Variants in MANBA observed in about 807,000 individuals in gnomAD.
MANBA encodes beta-mannosidase.
In MANBA, 83 loss-of-function variants were observed where a neutral mutation model predicts 111.1. The observed-to-expected ratio is 0.75, with a 90% CI of 0.63 to 0.90. The LOEUF (loss-of-function observed/expected upper bound fraction) is 0.90, where lower values mean the gene tolerates loss of function less well. Ranked by LOEUF, MANBA falls within the 40% of genes least tolerant of loss-of-function variation. MANBA has a pLI of 0.00. For missense variants in MANBA, 1,036 were observed against 1,069.0 expected (o/e 0.97, Z 0.43); for synonymous variants, 370 against 378.7 (o/e 0.98, Z 0.27).
chr4:102,760,749 T>G lies in MANBA; in HGVS notation c.146A>C (p.His49Pro). The G allele has an allele frequency of 6.5e-7, 1 of 1,547,806 alleles. No individual in the cohort carries two copies. The highest frequency in any genetic ancestry group is 8.7e-7 in the Non-Finnish European group (1 of 1,145,892). The change falls in exon 1 of 17, where the codon CAC becomes CCC. Residue 49 changes from histidine (H) to proline (P), a missense_variant. Coordinates refer to ENST00000647097, the MANE Select transcript of MANBA (RefSeq NM_005908.4). ...CAGGCCCTGCTGGAACAAGGCGCTGTGCACGCAGCCAGGGACCGCCCCGGG... is the reference window on the plus strand; with the variant it reads ...CAGGCCCTGCTGGAACAAGGCGCTGGGCACGCAGCCAGGGACCGCCCCGGG... Reference protein sequence around the residue: ...ELPGAVPGCVHSALFQQGLIQ... With the variant: ...ELPGAVPGCVPSALFQQGLIQ...
At chr4:102,718,104 G>A (rs1469202551) in intron 4 of MANBA, among the ~76,000 whole-genome samples, 1 of 152,188 alleles carries the variant, frequency 6.6e-6, no homozygotes, top group Non-Finnish European at 1.5e-5. Flanking sequence ...ATCATCAAGA[G>A]GACTAAGCAA....
intron 1 of MANBA, among the ~76,000 whole-genome samples, chr4:102,733,548 T>C (rs1442917955): frequency 6.6e-6 from 1 of 152,166 alleles, no homozygotes; most frequent in Non-Finnish European, 1.5e-5. Flanking sequence ...TTTGTAGAGA[T>C]GGAGATCTTA....
chr4:102,630,910 CTCA>C lies in MANBA; in HGVS notation c.*1144_*1146del, dbSNP rs1560734105. 6.6e-6 allele frequency: 1 copy of C among 152,254 alleles called. No individual in the cohort carries two copies. Among genetic ancestry groups the C allele is most frequent in the African/African-American group, 2.4e-5 (1 of 41,462 alleles). The allele number at this position is 152,254 out of a possible 1,614,324, so 9.4% of individuals were successfully genotyped here. A position where few individuals can be genotyped will look rare whatever the true frequency, so the allele number is the denominator to read the frequency against. ...GGGCAAACTACAAAGTAAACTCTGGCTCATCAGCTTGAAAGCCCCTTCTCAGGG... is the reference window on the plus strand; with the variant it reads ...GGGCAAACTACAAAGTAAACTCTGGCTCAGCTTGAAAGCCCCTTCTCAGGG... On this transcript the variant is annotated 3_prime_UTR_variant, in exon 17 of 17. Coordinates refer to ENST00000647097, the MANE Select transcript of MANBA (RefSeq NM_005908.4).
intron 7 of MANBA, among the ~76,000 whole-genome samples, chr4:102,681,308 G>C (rs1295069883): frequency 6.6e-6 from 1 of 152,098 alleles, no homozygotes; most frequent in South Asian, 2.1e-4. Context: ...AGCAGCCTGG[G>C]TGACAGAGTG....
At chr4:102,686,293 G>A (rs1021577628) in intron 7 of MANBA, among the ~76,000 whole-genome samples, 4 of 151,908 alleles carry the variant, frequency 2.6e-5, no homozygotes, top group African/African-American at 7.3e-5. Context: ...CATACTATTA[G>A]CTCCAATTTG....
intron 1 of MANBA, chr4:102,727,743 G>A: frequency 4.9e-6 from 4 of 808,218 alleles, no homozygotes; most frequent in Non-Finnish European, 8.5e-6. Flanking sequence ...TGGCATAGTA[G>A]TGTTTTCCAT....
At chr4:102,699,937 C>A (rs1042805749) in intron 5 of MANBA, among the ~76,000 whole-genome samples, 1 of 151,812 alleles carries the variant, frequency 6.6e-6, no homozygotes, top group Non-Finnish European at 1.5e-5. Flanking sequence ...GGAATGGTAC[C>A]AGTTCCTCCT....
chr4:102,633,203 G>T (rs749638147), intron 16 of MANBA: 16 of 398,014 alleles, frequency 4.0e-5, no homozygotes, highest in Non-Finnish European at 2.2e-5. Context: ...TGCTCTTCAG[G>T]ATCAGAGACT....
At chr4:102,742,968 G>C (rs1723460754) in intron 1 of MANBA, among the ~76,000 whole-genome samples, 1 of 152,196 alleles carries the variant, frequency 6.6e-6, no homozygotes, top group African/African-American at 2.4e-5. Context: ...AATCCATGTT[G>C]CTGAGTCCAT....
intron 5 of MANBA, among the ~76,000 whole-genome samples, chr4:102,705,258 A>G (rs1200094277): frequency 6.6e-6 from 1 of 152,178 alleles, no homozygotes; most frequent in Admixed American, 6.5e-5. Context: ...CCACCCTCGC[A>G]GCCCCCAGGA....
chr4:102,657,952 T>C, intron 11 of MANBA, 52 bp from the exon 12 acceptor site: 1 of 1,292,764 alleles, frequency 7.7e-7, no homozygotes, highest in Non-Finnish European at 1.1e-6. Context: ...TCCTGTAAAG[T>C]ATGTATCATT....
chr4:102,737,560 G>A (rs1320315100), intron 1 of MANBA, among the ~76,000 whole-genome samples: 1 of 151,980 alleles, frequency 6.6e-6, no homozygotes, highest in Non-Finnish European at 1.5e-5. Context: ...TCTGCTCACT[G>A]CAAGCTCCGC....
At chr4:102,653,720 ACAT>A (rs1730441515) in intron 12 of MANBA, among the ~76,000 whole-genome samples, 1 of 152,226 alleles carries the variant, frequency 6.6e-6, no homozygotes, top group Non-Finnish European at 1.5e-5. Flanking sequence ...TTATCTCTGA[ACAT>A]CATCAGGCAT....
At position 102,631,677 on chromosome 4, in the gene MANBA, T is replaced by C; in HGVS notation, c.*380A>G. On this transcript the variant is annotated 3_prime_UTR_variant, in exon 17 of 17. Coordinates refer to ENST00000647097, the MANE Select transcript of MANBA (RefSeq NM_005908.4). The stretch of plus-strand genomic sequence containing the variant: ...ATTCCGTATTCCCCAAAGCTAGCTG[T>C]GAAAGACCTACATCACCTCAAAACC... The C allele has an allele frequency of 4.2e-6, 2 of 481,750 alleles. No homozygotes were observed. The highest frequency in any genetic ancestry group is 1.0e-4 in the South Asian group (2 of 19,510). The allele number at this position is 481,750 out of a possible 1,614,324, so 29.8% of individuals were successfully genotyped here.
chr4:102,691,875 GA>G (rs1455087718), intron 5 of MANBA, among the ~76,000 whole-genome samples: 1 of 152,142 alleles, frequency 6.6e-6, no homozygotes, highest in African/African-American at 2.4e-5. Context: ...AAGTACAGAG[GA>G]AGATGATAAG....
chr4:102,709,732 T>A (rs1005265374), intron 5 of MANBA, among the ~76,000 whole-genome samples: 5 of 152,154 alleles, frequency 3.3e-5, no homozygotes, highest in Non-Finnish European at 4.4e-5. Context: ...TAGCTCATTA[T>A]CCCTGATTAG....
intron 1 of MANBA, chr4:102,734,596 A>T: frequency 6.2e-7 from 1 of 1,605,818 alleles, no homozygotes; most frequent in Non-Finnish European, 8.5e-7. Flanking sequence ...CCCAAGAAAG[A>T]GACCAAGAAG....
chr4:102,664,275 C>T (rs1014833045), intron 11 of MANBA, among the ~76,000 whole-genome samples: 20 of 152,166 alleles, frequency 1.3e-4, no homozygotes, highest in Admixed American at 1.0e-3. Flanking sequence ...TCAAACGATA[C>T]TGTTGAAGAC....
chr4:102,748,628 C>T (rs970248213), intron 1 of MANBA, among the ~76,000 whole-genome samples: 1 of 152,122 alleles, frequency 6.6e-6, no homozygotes, highest in Non-Finnish European at 1.5e-5. Flanking sequence ...AAACTGTTTA[C>T]TATTGGCCAG....
Sources: gnomAD v4.1 joint callset for allele counts (sites outside exome capture counted in the v4.1 genomes callset) on GRCh38, gnomAD v4.1.1 for gene constraint, MANE v1.5 for transcripts, NCBI Gene and HGNC (gene_info 2026-07-23, HGNC 2026-07-21) for gene names.